Variants in NTM observed in about 807,000 individuals in gnomAD.
The protein encoded by NTM is neurotrimin.
A neutral mutation model predicts 42.1 loss-of-function variants in NTM; 13 were observed. The ratio of observed to expected loss-of-function variants is 0.31; its 90% confidence interval spans 0.20 to 0.49. NTM has a LOEUF of 0.49. Among genes scored for constraint, NTM ranks in the 20% least tolerant of loss-of-function variants. The pLI is 0.99. For missense variants in NTM, 373 were observed against 452.8 expected (o/e 0.82, Z 1.60); for synonymous variants, 187 against 179.2 (o/e 1.04, Z -0.35).
chr11:131,833,104 T>A (rs1433671962), intron 1 of NTM, among the ~76,000 whole-genome samples: 1 of 152,244 alleles, frequency 6.6e-6, no homozygotes, highest in African/African-American at 2.4e-5. Context: ...TTGGATGTAT[T>A]TTGAACAGAA....
chr11:132,298,929 C>T (rs1051937022), intron 4 of NTM, among the ~76,000 whole-genome samples: 5 of 152,058 alleles, frequency 3.3e-5, no homozygotes, highest in African/African-American at 1.2e-4. Flanking sequence ...ATAGTTGGCA[C>T]CAGTTTGTAT....
intron 2 of NTM, 32 bp downstream of exon 2, chr11:131,911,680 G>GGTT: frequency 6.2e-7 from 1 of 1,613,698 alleles, no homozygotes; most frequent in Non-Finnish European, 8.5e-7. Context: ...GCGAACTGAT[G>GGTT]GTTTGTATGG....
At chr11:131,682,872 G>A (rs1358120613) in intron 1 of NTM, among the ~76,000 whole-genome samples, 3 of 152,016 alleles carry the variant, frequency 2.0e-5, no homozygotes, top group African/African-American at 4.8e-5. Flanking sequence ...TGGGAAGCAT[G>A]TTGCGCCCAC....
At chr11:131,933,211 G>C (rs1242000265) in intron 2 of NTM, among the ~76,000 whole-genome samples, 1 of 152,214 alleles carries the variant, frequency 6.6e-6, no homozygotes, top group Non-Finnish European at 1.5e-5. Flanking sequence ...ATTGGCTCCT[G>C]GTCCTGGGAC....
chr11:131,935,118 C>T (rs2059070725), intron 2 of NTM, among the ~76,000 whole-genome samples: 1 of 152,172 alleles, frequency 6.6e-6, no homozygotes. Flanking sequence ...GCAGACTAAG[C>T]TGATGGGGTT....
At chr11:131,806,493 C>G (rs914117689) in intron 1 of NTM, among the ~76,000 whole-genome samples, 1 of 152,148 alleles carries the variant, frequency 6.6e-6, no homozygotes, top group African/African-American at 2.4e-5. Flanking sequence ...TGCTCAACAA[C>G]TATTTATTAA....
In NTM at chr11:131,681,459, G is replaced by A. The variant is rs1236031280; in HGVS notation, c.83-230105G>A. ...TGTCTGTATGTCTGTGTGTGTGAGC[G>A]TGTGTGTTTCTGTGTCTGTGTGTAT... On this transcript the variant is annotated intron_variant, in intron 1 of 8. Coordinates refer to ENST00000683400, the MANE Select transcript of NTM (RefSeq NM_001352005.2). Among the ~76,000 whole-genome samples the A allele has an allele frequency of 2.0e-3, 13 of 6,642 alleles. 2 individuals are homozygous for A. Among genetic ancestry groups the A allele is most frequent in the Non-Finnish European group, 3.7e-3 (11 of 2,950 alleles). The allele number at this position is 6,642 out of a possible 152,430, so 4.4% of individuals were successfully genotyped here.
chr11:131,666,971 T>A (rs549255248), intron 1 of NTM, among the ~76,000 whole-genome samples: 19 of 152,234 alleles, frequency 1.2e-4, no homozygotes, highest in African/African-American at 4.6e-4. Context: ...CGTGCAGTGT[T>A]CTCTAAGGAA....
At chr11:131,587,046 C>G (rs1404104398) in intron 1 of NTM, among the ~76,000 whole-genome samples, 1 of 152,154 alleles carries the variant, frequency 6.6e-6, no homozygotes, top group East Asian at 1.9e-4. Context: ...CTAACCAGTA[C>G]TAACTACACC....
chr11:132,110,613 T>A (rs1192571811), intron 2 of NTM, among the ~76,000 whole-genome samples: 3 of 152,238 alleles, frequency 2.0e-5, no homozygotes, highest in Admixed American at 2.0e-4. Context: ...GGATTTTTAT[T>A]TGAAAATTAC....
In NTM at chr11:132,044,313, CTCTT is replaced by C. The variant is rs1435093774; in HGVS notation, c.168-101962_168-101959del. Among the ~76,000 whole-genome samples the C allele has an allele frequency of 3.3e-5, 5 of 152,132 alleles. No homozygotes were observed. The South Asian group carries it at 8.3e-4, about 25-fold the overall frequency. On this transcript the variant is annotated intron_variant, in intron 2 of 8. Transcript: ENST00000683400. ...AGTGATAATAAGTTTGCCTGTGTGA[CTCTT>C]TCTTTCATGCAAATATAAGGCATTT...
intron 1 of NTM, among the ~76,000 whole-genome samples, chr11:131,452,286 T>C (rs1950546109): frequency 1.3e-5 from 2 of 152,184 alleles, no homozygotes; most frequent in African/African-American, 4.8e-5. Flanking sequence ...CCCCACTTTC[T>C]CTCTGAGCTT....
At chr11:131,743,652 C>A (rs1201204068) in intron 1 of NTM, among the ~76,000 whole-genome samples, 2 of 152,170 alleles carry the variant, frequency 1.3e-5, no homozygotes, top group Admixed American at 1.3e-4. Flanking sequence ...GCAAATACAC[C>A]TGCAAGCTAC....
At chr11:132,225,611 T>C (rs3099766) in intron 4 of NTM, among the ~76,000 whole-genome samples, 75,622 of 152,058 alleles carry the variant, frequency 0.5, 19,397 homozygotes, top group African/African-American at 0.62. Flanking sequence ...GAAAACCATG[T>C]GCAAAACTGT....
chr11:132,221,645 T>C (rs1212815937), intron 4 of NTM, among the ~76,000 whole-genome samples: 1 of 152,170 alleles, frequency 6.6e-6, no homozygotes, highest in Admixed American at 6.5e-5. Flanking sequence ...GATTTTGACA[T>C]TTCCTCCAGG....
chr11:131,728,059 A>T (rs2079167237), intron 1 of NTM, among the ~76,000 whole-genome samples: 1 of 152,226 alleles, frequency 6.6e-6, no homozygotes, highest in African/African-American at 2.4e-5. Flanking sequence ...CTCAGCCAGG[A>T]TCCCTCTTTA....
chr11:131,483,171 C>G (rs538636997), intron 1 of NTM, among the ~76,000 whole-genome samples: 8 of 152,186 alleles, frequency 5.3e-5, no homozygotes, highest in African/African-American at 1.7e-4. Context: ...GTCAAAGCTT[C>G]GAGAGAAGCT....
chr11:132,031,179 A>G (rs2075870772), intron 2 of NTM, among the ~76,000 whole-genome samples: 1 of 152,246 alleles, frequency 6.6e-6, no homozygotes, highest in African/African-American at 2.4e-5. Context: ...ATATGTGACC[A>G]GTTATTCAAT....
intron 4 of NTM, among the ~76,000 whole-genome samples, chr11:132,293,941 G>T (rs553123776): frequency 6.6e-6 from 1 of 152,094 alleles, no homozygotes; most frequent in African/African-American, 2.4e-5. Context: ...TATAGAAAAC[G>T]TTGGCTGACC....
Sources: gnomAD v4.1 joint callset for allele counts (sites outside exome capture counted in the v4.1 genomes callset) on GRCh38, gnomAD v4.1.1 for gene constraint, MANE v1.5 for transcripts, NCBI Gene and HGNC (gene_info 2026-07-23, HGNC 2026-07-21) for gene names.